Variants in DOCK3 observed in about 807,000 individuals in gnomAD.
DOCK3 encodes dedicator of cytokinesis 3.
In DOCK3, 60 loss-of-function variants were observed where a neutral mutation model predicts 265.6. The observed-to-expected ratio is 0.23, with a 90% CI of 0.18 to 0.28. The LOEUF is 0.28. Ranked by LOEUF, DOCK3 falls within the 10% of genes least tolerant of loss-of-function variation. The pLI, the probability that DOCK3 is intolerant of heterozygous loss-of-function variation, is 1.00. For synonymous variants in DOCK3, 881 were observed against 938.0 expected, an observed-to-expected ratio of 0.94 and a Z score of 1.11; for missense variants, 1,981 against 2,594.3, an observed-to-expected ratio of 0.76 and a Z score of 5.14.
intron 5 of DOCK3, among the ~76,000 whole-genome samples, chr3:50,987,305 A>T (rs900329958): frequency 6.6e-6 from 1 of 152,176 alleles, no homozygotes; most frequent in African/African-American, 2.4e-5. Flanking sequence ...CTGACCTTTT[A>T]CATTTTATTT....
chr3:50,749,581 T>A (rs1014407894), intron 1 of DOCK3, among the ~76,000 whole-genome samples: 2 of 152,246 alleles, frequency 1.3e-5, no homozygotes, highest in African/African-American at 2.4e-5. Flanking sequence ...TACCTATTTT[T>A]AAAAATCCTA....
chr3:51,162,130 A>G (rs1450996776), intron 12 of DOCK3, among the ~76,000 whole-genome samples: 1 of 152,232 alleles, frequency 6.6e-6, no homozygotes, highest in Non-Finnish European at 1.5e-5. Context: ...CTCATCTTTC[A>G]GTTTAAAAAC....
intron 12 of DOCK3, among the ~76,000 whole-genome samples, chr3:51,166,169 G>A (rs1333319128): frequency 3.3e-5 from 5 of 151,146 alleles, no homozygotes; most frequent in Non-Finnish European, 7.4e-5. Flanking sequence ...TCCTGCCTCA[G>A]CCTCCCGAGT....
At chr3:51,305,595 A>G (rs974991019) in intron 27 of DOCK3, among the ~76,000 whole-genome samples, 3 of 151,654 alleles carry the variant, frequency 2.0e-5, no homozygotes, top group Admixed American at 6.6e-5. Flanking sequence ...TACACCTGCC[A>G]TTTTGCTATG....
intron 5 of DOCK3, 45 bp downstream of exon 5, chr3:50,934,122 T>G: frequency 7.4e-7 from 1 of 1,352,910 alleles, no homozygotes; most frequent in Non-Finnish European, 1.0e-6. Context: ...AAGTTTAGTG[T>G]ACCAAGTAAA....
At chr3:50,719,639 GA>G in intron 1 of DOCK3, 1 of 1,567,786 alleles carries the variant, frequency 6.4e-7, no homozygotes, top group Non-Finnish European at 8.7e-7. Flanking sequence ...CAGTGCAGAT[GA>G]AAAACTGGGA....
chr3:50,849,858 G>A (rs916684846), intron 3 of DOCK3, among the ~76,000 whole-genome samples: 4 of 151,750 alleles, frequency 2.6e-5, no homozygotes, highest in Admixed American at 1.3e-4. Flanking sequence ...CCGAGGTGGT[G>A]GGATCACTCG....
chr3:51,090,975 G>A (rs1423806723), intron 9 of DOCK3, among the ~76,000 whole-genome samples: 1 of 152,176 alleles, frequency 6.6e-6, no homozygotes, highest in African/African-American at 2.4e-5. Flanking sequence ...AATTAGAAAT[G>A]GAAGTTATAA....
At chr3:50,797,652 G>A (rs1251587428) in intron 2 of DOCK3, among the ~76,000 whole-genome samples, 1 of 152,108 alleles carries the variant, frequency 6.6e-6, no homozygotes, top group South Asian at 2.1e-4. Flanking sequence ...AGCATATAAG[G>A]GTTCTGTTTT....
chr3:50,968,820 G>T (rs2077110527), intron 5 of DOCK3, among the ~76,000 whole-genome samples: 1 of 152,142 alleles, frequency 6.6e-6, no homozygotes, highest in Admixed American at 6.5e-5. Flanking sequence ...AAAGTCCTGG[G>T]ATTACAGGCG....
intron 3 of DOCK3, among the ~76,000 whole-genome samples, chr3:50,858,551 AC>A (rs1483552911): frequency 6.6e-6 from 1 of 152,096 alleles, no homozygotes; most frequent in East Asian, 1.9e-4. Flanking sequence ...TTTGTAGGTG[AC>A]CTGCACTTTC....
At chr3:50,677,342 G>A (rs2034045836) in intron 1 of DOCK3, among the ~76,000 whole-genome samples, 1 of 152,090 alleles carries the variant, frequency 6.6e-6, no homozygotes, top group Non-Finnish European at 1.5e-5. Context: ...TTTTCATAAG[G>A]ATGTTAGGGC....
intron 32 of DOCK3, among the ~76,000 whole-genome samples, chr3:51,326,548 G>A (rs1399022715): frequency 6.6e-6 from 1 of 151,728 alleles, no homozygotes; most frequent in African/African-American, 2.4e-5. Context: ...CCAAAATGCT[G>A]GGATTACAGG....
chr3:50,877,447 A>T, intron 3 of DOCK3: 1 of 519,956 alleles, frequency 1.9e-6, no homozygotes, highest in South Asian at 1.4e-5. Flanking sequence ...TTCCCTCACC[A>T]CTTATAAGGC....
At chr3:51,326,135 G>A (rs2084094214) in intron 32 of DOCK3, among the ~76,000 whole-genome samples, 1 of 151,580 alleles carries the variant, frequency 6.6e-6, no homozygotes, top group African/African-American at 2.4e-5. Context: ...GTAGCAACTT[G>A]TCATGACTAC....
chr3:51,376,864 C>T (rs2088182190), intron 51 of DOCK3, among the ~76,000 whole-genome samples: 1 of 152,216 alleles, frequency 6.6e-6, no homozygotes, highest in African/African-American at 2.4e-5. Flanking sequence ...GCTGGGTGCC[C>T]CACCACAAAG....
At chr3:51,280,466 T>A (rs946140147) in intron 27 of DOCK3, among the ~76,000 whole-genome samples, 6 of 152,238 alleles carry the variant, frequency 3.9e-5, no homozygotes, top group African/African-American at 1.4e-4. Context: ...TAGAGGCTAC[T>A]CTGTCCCACA....
chr3:50,980,066 C>T (rs1331738194), intron 5 of DOCK3, among the ~76,000 whole-genome samples: 5 of 152,168 alleles, frequency 3.3e-5, no homozygotes, highest in African/African-American at 1.2e-4. Context: ...AGCTTTTCCC[C>T]ATTCCAGTAT....
At chr3:51,121,103 A>T (rs1013552383) in intron 9 of DOCK3, among the ~76,000 whole-genome samples, 1 of 151,902 alleles carries the variant, frequency 6.6e-6, no homozygotes, top group African/African-American at 2.4e-5. Context: ...TGTGCTTGAA[A>T]CCCAGGGCCC....
Sources: allele counts gnomAD v4.1 joint callset (sites outside exome capture counted in the v4.1 genomes callset), GRCh38; gene constraint gnomAD v4.1.1; transcripts MANE v1.5; gene names NCBI Gene and HGNC (gene_info 2026-07-23, HGNC 2026-07-21).